LUC7L3: variants seen among roughly 807,000 people sequenced by gnomAD.
LUC7L3 encodes the protein LUC7 like 3 pre-mRNA splicing factor.
A neutral mutation model predicts 66.8 loss-of-function variants in LUC7L3; 6 were observed. The ratio of observed to expected loss-of-function variants is 0.09; its 90% confidence interval spans 0.05 to 0.18. LUC7L3 has a LOEUF of 0.18. Ranked by LOEUF, LUC7L3 falls within the 10% of genes least tolerant of loss-of-function variation. LUC7L3 has a pLI of 1.00. For synonymous variants in LUC7L3, 160 were observed against 174.7 expected (o/e 0.92, Z 0.66); for missense variants, 341 against 531.1 (o/e 0.64, Z 3.52).
intron 1 of LUC7L3, among the ~76,000 whole-genome samples, chr17:50,735,450 T>C (rs1162937268): frequency 1.3e-5 from 2 of 152,126 alleles, no homozygotes; most frequent in African/African-American, 4.8e-5. Flanking sequence ...ACTGCCTTTT[T>C]TTCATTTCCT....
intron 1 of LUC7L3, among the ~76,000 whole-genome samples, chr17:50,732,891 G>A (rs2146720059): frequency 6.6e-6 from 1 of 152,196 alleles, no homozygotes. Context: ...CATGAGCCCC[G>A]CCAGGTACCC....
chr17:50,746,461 T>C, intron 8 of LUC7L3, 81 bp from the exon 9 acceptor site: 2 of 1,273,012 alleles, frequency 1.6e-6, no homozygotes, highest in Non-Finnish European at 2.2e-6. Flanking sequence ...TGCCTAGTCT[T>C]GTTAATTAAT....
intron 1 of LUC7L3, among the ~76,000 whole-genome samples, chr17:50,730,959 C>T (rs1380961990): frequency 6.6e-6 from 1 of 151,980 alleles, no homozygotes; most frequent in Non-Finnish European, 1.5e-5. Flanking sequence ...AAAATAAAAA[C>T]TGTTGATGAG....
intron 9 of LUC7L3, chr17:50,749,206 C>T: frequency 1.6e-6 from 2 of 1,288,684 alleles, no homozygotes; most frequent in South Asian, 2.5e-5. Flanking sequence ...TAAGATCTAC[C>T]ATATTTACAT....
intron 1 of LUC7L3, among the ~76,000 whole-genome samples, chr17:50,733,791 G>T (rs992026202): frequency 6.6e-6 from 1 of 152,138 alleles, no homozygotes; most frequent in East Asian, 1.9e-4. Context: ...ATAAATAATA[G>T]ATTCTGGCAA....
In LUC7L3 at chr17:50,736,866, C is replaced by T. The variant is rs1016889670; in HGVS notation, c.100-94C>T. On this transcript the variant is annotated intron_variant, in intron 1 of 9. Coordinates refer to ENST00000505658, the MANE Select transcript of LUC7L3 (RefSeq NM_016424.5). ...TCTTACATTGGTTGAAACATACATA[C>T]CTCAAGAAATGAGAAAATAGTTATT... is the stretch of plus-strand genomic sequence containing the variant. The T allele has an allele frequency of 1.1e-5, 8 of 751,822 alleles. No individual in the cohort carries two copies. The African/African-American group carries it at 1.2e-4, about 11-fold the overall frequency. 46.6% of individuals were successfully genotyped at this position (751,822 alleles called of 1,614,324 possible).
At position 50,755,553 on chromosome 17, in the gene LUC7L3, C is replaced by A. The variant is rs749226159; in HGVS notation, c.*4892C>A. 2.6e-5 allele frequency: 4 copies of A among 152,136 alleles called. No individual in the cohort carries two copies. Among genetic ancestry groups the A allele is most frequent in the African/African-American group, 4.8e-5 (2 of 41,428 alleles). 9.4% of individuals were successfully genotyped at this position (152,136 alleles called of 1,614,324 possible). A position where few individuals can be genotyped will look rare whatever the true frequency, so the allele number is the denominator to read the frequency against. On this transcript the variant is annotated 3_prime_UTR_variant, in exon 10 of 10. Coordinates refer to ENST00000505658, the MANE Select transcript of LUC7L3 (RefSeq NM_016424.5). Reference sequence around the variant, plus strand: ...TTTTGAATTTACTATTTTAAAAATTCAAGAGTTTTGTAGCTGATCTATTTC... The same window carrying A: ...TTTTGAATTTACTATTTTAAAAATTAAAGAGTTTTGTAGCTGATCTATTTC...
chr17:50,721,042 G>GCTTA (rs1968713959), intron 1 of LUC7L3, among the ~76,000 whole-genome samples: 1 of 151,670 alleles, frequency 6.6e-6, no homozygotes. Context: ...CTAAGGAACT[G>GCTTA]CTTACCTTGA....
intron 4 of LUC7L3, 59 bp downstream of exon 4, chr17:50,741,305 C>T: frequency 6.6e-7 from 1 of 1,522,872 alleles, no homozygotes; most frequent in Non-Finnish European, 8.9e-7. Flanking sequence ...ATTCAGAGAC[C>T]TCCCTAATAT....
In LUC7L3 at chr17:50,724,224, T is replaced by TA. The variant is rs879398962; in HGVS notation, c.99+4403dup. The TA allele has an allele frequency of 9.8e-3, 1,708 of 174,630 alleles. 6 individuals are homozygous for TA. Among genetic ancestry groups the TA allele is most frequent in the South Asian group, 0.022 (262 of 11,814 alleles). The allele number at this position is 174,630 out of a possible 1,614,324, so 10.8% of individuals were successfully genotyped here. On this transcript the variant is annotated intron_variant, in intron 1 of 9. Transcript: ENST00000505658. ...GTATATCTGTAAAATACAAGGACTT[T>TA]AAAAAAAAAACATAGCCGACCGGGC...
intron 9 of LUC7L3, among the ~76,000 whole-genome samples, chr17:50,747,424 T>TTA (rs1469546116): frequency 6.6e-6 from 1 of 151,836 alleles, no homozygotes; most frequent in African/African-American, 2.4e-5. Flanking sequence ...TTTGTATTTT[T>TTA]TATATAAAAG....
chr17:50,719,907 C>A, intron 1 of LUC7L3, 76 bp downstream of exon 1: 1 of 1,405,288 alleles, frequency 7.1e-7, no homozygotes, highest in African/African-American at 1.4e-5. Context: ...GCCCTCCTGG[C>A]CGCGGCGCGA....
chr17:50,731,435 T>G (rs1969599280), intron 1 of LUC7L3, among the ~76,000 whole-genome samples: 1 of 152,222 alleles, frequency 6.6e-6, no homozygotes, highest in Non-Finnish European at 1.5e-5. Context: ...CCCAAAGTGC[T>G]GGGATTACAG....
At chr17:50,742,778 A>G (rs887035617) in intron 5 of LUC7L3, among the ~76,000 whole-genome samples, 5 of 152,218 alleles carry the variant, frequency 3.3e-5, no homozygotes, top group East Asian at 1.9e-4. Flanking sequence ...CATGAGTGCT[A>G]TATTCATAAT....
At chr17:50,739,527 G>T (rs1248538468) in intron 2 of LUC7L3, among the ~76,000 whole-genome samples, 4 of 152,290 alleles carry the variant, frequency 2.6e-5, no homozygotes, top group Admixed American at 1.3e-4. Flanking sequence ...GGTGGTGGGT[G>T]CCTGTAATCC....
At chr17:50,723,851 T>G (rs1597885444) in intron 1 of LUC7L3, 1 of 387,294 alleles carries the variant, frequency 2.6e-6, no homozygotes, top group Admixed American at 3.0e-5. Context: ...GCCAGGCTGG[T>G]CTTGAACTCC....
chr17:50,736,621 AATG>A, intron 1 of LUC7L3: 1 of 217,832 alleles, frequency 4.6e-6, no homozygotes, highest in Non-Finnish European at 9.1e-6. Flanking sequence ...AAAGAGATGA[AATG>A]ATAAGAATAG....
chr17:50,746,830 C>T, intron 9 of LUC7L3, 128 bp downstream of exon 9: 1 of 663,628 alleles, frequency 1.5e-6, no homozygotes, highest in Non-Finnish European at 2.4e-6. Context: ...GAATGCCATT[C>T]AGTAGGAGAC....
chr17:50,752,382 A>T lies in LUC7L3; in HGVS notation c.*1721A>T. The T allele has an allele frequency of 2.5e-6, 1 of 392,458 alleles. No homozygotes were observed. The highest frequency in any genetic ancestry group is 2.9e-5 in the South Asian group (1 of 34,628). 24.3% of individuals were successfully genotyped at this position (392,458 alleles called of 1,614,324 possible). A position where few individuals can be genotyped will look rare whatever the true frequency, so the allele number is the denominator to read the frequency against. ...CTGATGTGACCTACCAGATTTCAGAACATGTGTTAATAGTATATATGCCAC... is the reference window on the plus strand; with the variant it reads ...CTGATGTGACCTACCAGATTTCAGATCATGTGTTAATAGTATATATGCCAC... On this transcript the variant is annotated 3_prime_UTR_variant, in exon 10 of 10. Coordinates refer to ENST00000505658, the MANE Select transcript of LUC7L3 (RefSeq NM_016424.5).
Sources: allele counts gnomAD v4.1 joint callset (sites outside exome capture counted in the v4.1 genomes callset), GRCh38; gene constraint gnomAD v4.1.1; transcripts MANE v1.5; gene names NCBI Gene and HGNC (gene_info 2026-07-23, HGNC 2026-07-21).